BAZ2B: variants seen among roughly 807,000 people sequenced by gnomAD.
BAZ2B encodes bromodomain adjacent to zinc finger domain protein 2B.
BAZ2B carries 91 observed loss-of-function variants against 246.0 expected under a neutral mutation model. The observed-to-expected ratio is 0.37, with a 90% CI of 0.31 to 0.44. The LOEUF (loss-of-function observed/expected upper bound fraction) is 0.44. Among genes scored for constraint, BAZ2B ranks in the 20% least tolerant of loss-of-function variants. BAZ2B has a pLI of 1.00. For synonymous variants in BAZ2B, 855 were observed against 860.0 expected, an observed-to-expected ratio of 0.99 and a Z score of 0.10; for missense variants, 2,332 against 2,533.7, an observed-to-expected ratio of 0.92 and a Z score of 1.71.
At chr2:159,473,647 G>A (rs1017251163) in intron 3 of BAZ2B, among the ~76,000 whole-genome samples, 20 of 152,010 alleles carry the variant, frequency 1.3e-4, no homozygotes, top group Admixed American at 8.5e-4. Flanking sequence ...TTTTAATTGC[G>A]ATGTTAGGGT....
At chr2:159,598,659 C>G (rs1691355641) in intron 1 of BAZ2B, among the ~76,000 whole-genome samples, 1 of 151,782 alleles carries the variant, frequency 6.6e-6, no homozygotes. Context: ...ACCAGCCCGG[C>G]CAAACAGACC....
At chr2:159,621,065 G>A (rs544369865), upstream of BAZ2B, among the ~76,000 whole-genome samples, 4 of 152,284 alleles carry the variant, frequency 2.6e-5, 1 homozygote, top group Non-Finnish European at 4.4e-5. Flanking sequence ...AGAGGAAGGA[G>A]TGAAAGAGGA....
intron 2 of BAZ2B, among the ~76,000 whole-genome samples, chr2:159,485,222 A>G (rs896172601): frequency 1.3e-5 from 2 of 152,194 alleles, no homozygotes; most frequent in Non-Finnish European, 2.9e-5. Flanking sequence ...AAACTTCAAG[A>G]TATTAAATAG....
intron 2 of BAZ2B, among the ~76,000 whole-genome samples, chr2:159,523,420 A>G (rs935859103): frequency 6.6e-6 from 1 of 151,176 alleles, no homozygotes; most frequent in African/African-American, 2.4e-5. Flanking sequence ...AACAAAAGAA[A>G]CAAGGCTGGG....
chr2:159,518,211 T>A (rs915216924), intron 2 of BAZ2B, among the ~76,000 whole-genome samples: 16 of 152,162 alleles, frequency 1.1e-4, no homozygotes, highest in African/African-American at 3.9e-4. Context: ...GCAAATAAAT[T>A]TGATATTTGG....
intron 2 of BAZ2B, among the ~76,000 whole-genome samples, chr2:159,496,437 C>T (rs71423016): frequency 0.081 from 11,281 of 138,894 alleles, 639 homozygotes; most frequent in Middle Eastern, 0.16. Flanking sequence ...GTGGGAGGGC[C>T]GATTGCACCA....
intron 10 of BAZ2B, among the ~76,000 whole-genome samples, chr2:159,429,916 T>C (rs915929648): frequency 5.9e-5 from 9 of 152,208 alleles, no homozygotes; most frequent in Admixed American, 3.9e-4. Context: ...TATTTTACTA[T>C]ATACATCTAT....
At chr2:159,325,018 A>G (rs2063253460) in intron 35 of BAZ2B, 64 bp from the exon 36 acceptor site, 2 of 670,658 alleles carry the variant, frequency 3.0e-6, no homozygotes, top group Non-Finnish European at 4.0e-6. Context: ...TTTAATTAAA[A>G]AAGCTTTCAG....
chr2:159,606,535 T>C (rs1693536901), intron 1 of BAZ2B, among the ~76,000 whole-genome samples: 1 of 152,194 alleles, frequency 6.6e-6, no homozygotes, highest in Non-Finnish European at 1.5e-5. Context: ...CATGTCATCA[T>C]AGAAACCAGA....
intron 13 of BAZ2B, among the ~76,000 whole-genome samples, chr2:159,423,329 A>G (rs2069128632): frequency 1.3e-5 from 2 of 151,780 alleles, no homozygotes; most frequent in Admixed American, 1.3e-4. Context: ...AAACAAACAA[A>G]CAAAAGAATG....
At chr2:159,539,095 G>A (rs572671131) in intron 2 of BAZ2B, among the ~76,000 whole-genome samples, 1 of 152,250 alleles carries the variant, frequency 6.6e-6, no homozygotes, top group Non-Finnish European at 1.5e-5. Context: ...TTTTGATGTG[G>A]CCTTTCCCAC....
the BAZ2B span, among the ~76,000 whole-genome samples, chr2:159,683,536 T>C: frequency 4.6e-5 from 7 of 152,224 alleles, no homozygotes; most frequent in African/African-American, 1.7e-4. Flanking sequence ...TTGGGTTAGT[T>C]TTCTTGTTGC....
chr2:159,620,511 AGAG>A (rs1405298409), upstream of BAZ2B, among the ~76,000 whole-genome samples: 1 of 152,222 alleles, frequency 6.6e-6, no homozygotes, highest in African/African-American at 2.4e-5. Context: ...GTGAGAATAA[AGAG>A]GATGAGGCAA....
the BAZ2B span, among the ~76,000 whole-genome samples, chr2:159,670,337 C>T: frequency 6.6e-6 from 1 of 152,110 alleles, no homozygotes; most frequent in South Asian, 2.1e-4. Context: ...ATTCTATTGG[C>T]TCATGAACTG....
At chr2:159,408,968 A>AGAGAGAAT (rs1314369248) in intron 14 of BAZ2B, among the ~76,000 whole-genome samples, 5 of 152,086 alleles carry the variant, frequency 3.3e-5, no homozygotes, top group Non-Finnish European at 7.4e-5. Context: ...AATACAGAGG[A>AGAGAGAAT]GAGAGAATGA....
intron 2 of BAZ2B, among the ~76,000 whole-genome samples, chr2:159,491,720 C>CAAAAAAAAAAAAAAAAAAAAAAAAAAAAA (rs773067675): frequency 3.4e-5 from 1 of 29,558 alleles, no homozygotes; most frequent in Non-Finnish European, 5.1e-5. Context: ...GACTCCGTCT[C>CAAAAAAAAAAAAAAAAAAAAAAAAAAAAA]AAAAAAAAAA....
At chr2:159,413,836 A>G (rs2067212024) in intron 13 of BAZ2B, among the ~76,000 whole-genome samples, 1 of 151,918 alleles carries the variant, frequency 6.6e-6, no homozygotes, top group Non-Finnish European at 1.5e-5. Flanking sequence ...AAGTACAACC[A>G]CTATGGAGAA....
intron 1 of BAZ2B, among the ~76,000 whole-genome samples, chr2:159,583,738 A>G (rs1441730115): frequency 2.0e-5 from 3 of 152,244 alleles, no homozygotes; most frequent in Admixed American, 1.3e-4. Context: ...TTTGAAGGCC[A>G]TAAGTATATG....
At position 159,433,245 on chromosome 2, in the gene BAZ2B, G is replaced by A. The variant is rs768424320; in HGVS notation, c.1412C>T (p.Pro471Leu). 9.3e-6 allele frequency: 15 copies of A among 1,614,114 alleles called. No individual in the cohort carries two copies. Among genetic ancestry groups the A allele is most frequent in the Non-Finnish European group, 1.3e-5 (15 of 1,180,016 alleles). ...GTGGTTGTTTTCTAATGTTTGTTTT[G>A]GATGTGCTGGTGAACTAGAGGTTGC... is the stretch of plus-strand genomic sequence containing the variant. ...PKATSSSPAH[P>L]KQTLENNHPN... Residue 471 changes from proline (P) to leucine (L), a missense_variant, in exon 9 of 37, where the codon CCA becomes CTA. Around this residue, in one of 9 missense-constraint regions of BAZ2B, gnomAD observed 651 missense variants for 650.9 expected, o/e 1.00. Transcript: ENST00000392783.
Sources: gnomAD v4.1 joint callset for allele counts (sites outside exome capture counted in the v4.1 genomes callset) on GRCh38, gnomAD v4.1.1 for gene constraint, gnomAD v4.1.1 regional missense constraint, MANE v1.5 for transcripts, NCBI Gene and HGNC (gene_info 2026-07-23, HGNC 2026-07-21) for gene names.